CTNNA2: variants seen among roughly 807,000 people sequenced by gnomAD.
The protein encoded by CTNNA2 is catenin alpha 2.
In CTNNA2, 42 loss-of-function variants were observed where a neutral mutation model predicts 101.0. The observed-to-expected ratio is 0.42, with a 90% CI of 0.32 to 0.54. The LOEUF is 0.54. Ranked by LOEUF, CTNNA2 falls within the 20% of genes least tolerant of loss-of-function variation. The pLI is 0.14. For missense variants in CTNNA2, 871 were observed against 1,223.1 expected (o/e 0.71, Z 4.29); for synonymous variants, 450 against 456.4 (o/e 0.99, Z 0.18).
chr2:79,909,915 T>A (rs929553820), intron 7 of CTNNA2, 118 bp downstream of exon 7: 25 of 1,072,998 alleles, frequency 2.3e-5, no homozygotes, highest in South Asian at 1.4e-4. Flanking sequence ...CCAAAGAGAG[T>A]CAGGTGAAAC....
intron 4 of CTNNA2, among the ~76,000 whole-genome samples, chr2:79,398,242 G>A (rs371907163): frequency 3.5e-4 from 53 of 152,224 alleles, no homozygotes; most frequent in African/African-American, 1.1e-3. Flanking sequence ...AATGGGATAC[G>A]GACGAGCTGT....
chr2:79,907,673 C>T (rs572214780), intron 6 of CTNNA2, among the ~76,000 whole-genome samples: 1 of 152,146 alleles, frequency 6.6e-6, no homozygotes, highest in Non-Finnish European at 1.5e-5. Flanking sequence ...AGTAAACATC[C>T]CTTTTTCATC....
At chr2:80,511,956 G>A (rs181537560) in intron 9 of CTNNA2, among the ~76,000 whole-genome samples, 51 of 151,974 alleles carry the variant, frequency 3.4e-4, no homozygotes, top group Middle Eastern at 3.4e-3. Context: ...TTCAAGACCA[G>A]CCTGACCAAC....
At chr2:79,239,714 A>G (rs1263350392) in intron 2 of CTNNA2, among the ~76,000 whole-genome samples, 1 of 152,202 alleles carries the variant, frequency 6.6e-6, no homozygotes, top group Admixed American at 6.5e-5. Flanking sequence ...TAATTAAACT[A>G]AAGAGTTCTG....
chr2:80,482,073 CTTAATTTAAT>C (rs58932753), intron 9 of CTNNA2, among the ~76,000 whole-genome samples: 108 of 150,440 alleles, frequency 7.2e-4, no homozygotes, highest in Non-Finnish European at 1.1e-3. Context: ...TTCCCAAGGT[CTTAATTTAAT>C]TTAATTTAAT....
At chr2:79,710,442 C>A (rs1685667226) in intron 2 of CTNNA2, among the ~76,000 whole-genome samples, 1 of 152,126 alleles carries the variant, frequency 6.6e-6, no homozygotes, top group Non-Finnish European at 1.5e-5. Context: ...AAGGACAGAT[C>A]TTTCTGTTTG....
chr2:79,802,317 C>T (rs1216477526), intron 3 of CTNNA2, among the ~76,000 whole-genome samples: 1 of 152,192 alleles, frequency 6.6e-6, no homozygotes, highest in Non-Finnish European at 1.5e-5. Context: ...TATCCTCCTA[C>T]AGAGCATTTC....
At chr2:79,797,567 A>G (rs1448956715) in intron 3 of CTNNA2, among the ~76,000 whole-genome samples, 1 of 151,570 alleles carries the variant, frequency 6.6e-6, no homozygotes, top group Non-Finnish European at 1.5e-5. Context: ...AGGCTGAGGC[A>G]GGAGAACTGC....
chr2:80,536,021 AC>A (rs1447740319), intron 9 of CTNNA2, among the ~76,000 whole-genome samples: 1 of 152,068 alleles, frequency 6.6e-6, no homozygotes, highest in Non-Finnish European at 1.5e-5. Context: ...CTGTTTTTCT[AC>A]CAGCTGCTTC....
At chr2:79,933,595 C>A (rs1687593853) in intron 7 of CTNNA2, among the ~76,000 whole-genome samples, 1 of 152,030 alleles carries the variant, frequency 6.6e-6, no homozygotes, top group Admixed American at 6.6e-5. Flanking sequence ...GCCAGGATTA[C>A]AGGCACCTGC....
chr2:79,362,500 T>C (rs1182952875), intron 3 of CTNNA2, among the ~76,000 whole-genome samples: 1 of 152,098 alleles, frequency 6.6e-6, no homozygotes, highest in Non-Finnish European at 1.5e-5. Flanking sequence ...GCAAGTGAAT[T>C]CACTTGTGGA....
At position 80,276,817 on chromosome 2, in the gene CTNNA2, A is replaced by AC. The variant is rs1220387516; in HGVS notation, c.1057-116389dup. 2.0e-5 allele frequency among the ~76,000 whole-genome samples: 3 copies of AC among 151,834 alleles called. No homozygotes were observed. The East Asian group carries it at 5.8e-4, about 29-fold the overall frequency. On this transcript the variant is annotated intron_variant, in intron 7 of 18. Coordinates refer to ENST00000402739, the MANE Select transcript of CTNNA2 (RefSeq NM_001282597.3). Reference sequence around the variant, plus strand: ...AGGGATCCACCCCCATGACCCAAACACCCCCAGTTAGGCCCAGACTCCAAA... The same window carrying AC: ...AGGGATCCACCCCCATGACCCAAACACCCCCCAGTTAGGCCCAGACTCCAAA...
intron 2 of CTNNA2, among the ~76,000 whole-genome samples, chr2:79,309,835 T>A (rs1253763706): frequency 1.3e-5 from 2 of 152,162 alleles, no homozygotes; most frequent in East Asian, 3.8e-4. Context: ...CACTATAATT[T>A]TTAACACTCA....
intron 2 of CTNNA2, among the ~76,000 whole-genome samples, chr2:79,222,487 G>A (rs956384301): frequency 2.0e-5 from 3 of 152,186 alleles, no homozygotes; most frequent in Non-Finnish European, 4.4e-5. Context: ...GGAGCGAGCT[G>A]ACCCATCCAG....
intron 7 of CTNNA2, among the ~76,000 whole-genome samples, chr2:80,080,624 A>G (rs1558788865): frequency 6.6e-6 from 1 of 152,164 alleles, no homozygotes; most frequent in Admixed American, 6.5e-5. Context: ...CCCTGTTTAG[A>G]GAGAACTGTG....
intron 2 of CTNNA2, among the ~76,000 whole-genome samples, chr2:79,730,968 T>C (rs922778918): frequency 6.6e-6 from 1 of 152,060 alleles, no homozygotes; most frequent in African/African-American, 2.4e-5. Context: ...CTTGGATGTT[T>C]CTTTCAAGAA....
chr2:79,538,394 C>T (rs773791763), intron 1 of CTNNA2, among the ~76,000 whole-genome samples: 3 of 151,994 alleles, frequency 2.0e-5, no homozygotes, highest in Non-Finnish European at 2.9e-5. Context: ...TTGTTGAGAA[C>T]TTGAACATGC....
chr2:79,507,906 C>T (rs1310334376), intron 5 of CTNNA2, among the ~76,000 whole-genome samples: 1 of 152,190 alleles, frequency 6.6e-6, no homozygotes, highest in Non-Finnish European at 1.5e-5. Context: ...AAATGCTTTT[C>T]ACCCAGCACA....
intron 1 of CTNNA2, among the ~76,000 whole-genome samples, chr2:79,527,579 A>T (rs1672491316): frequency 6.6e-6 from 1 of 151,408 alleles, no homozygotes; most frequent in Non-Finnish European, 1.5e-5. Flanking sequence ...CAGGAGGCGG[A>T]GGCTGCAGTG....
Sources: allele counts gnomAD v4.1 joint callset (sites outside exome capture counted in the v4.1 genomes callset), GRCh38; gene constraint gnomAD v4.1.1; transcripts MANE v1.5; gene names NCBI Gene and HGNC (gene_info 2026-07-23, HGNC 2026-07-21).